Variants in BDKRB2 observed in about 807,000 individuals in gnomAD.
BDKRB2 encodes B2 bradykinin receptor.
A neutral mutation model predicts 4.0 loss-of-function variants in BDKRB2; 6 were observed. The ratio of observed to expected loss-of-function variants is 1.49; its 90% CI spans 0.81 to 2.93. The LOEUF is 2.93. Ranked by LOEUF, BDKRB2 falls within the 30% of genes most tolerant of loss-of-function variation. BDKRB2 has a pLI of 0.00. For synonymous variants in BDKRB2, 225 were observed against 215.3 expected, an observed-to-expected ratio of 1.05 and a Z score of -0.40; for missense variants, 478 against 520.1, an observed-to-expected ratio of 0.92 and a Z score of 0.79.
intron 1 of BDKRB2, among the ~76,000 whole-genome samples, chr14:96,226,882 G>A (rs1890709588): frequency 6.6e-6 from 1 of 152,232 alleles, no homozygotes; most frequent in Non-Finnish European, 1.5e-5. Flanking sequence ...GCGGAAGAAA[G>A]ATGGAGGGAG....
intron 2 of BDKRB2, chr14:96,240,202 G>C: frequency 7.7e-6 from 10 of 1,295,826 alleles, no homozygotes; most frequent in Non-Finnish European, 9.8e-6. Context: ...CCCCCGTTTA[G>C]ATCCAAGGAT....
intron 1 of BDKRB2, among the ~76,000 whole-genome samples, chr14:96,229,819 T>A (rs77183145): frequency 0.022 from 3,420 of 152,158 alleles, 124 homozygotes; most frequent in African/African-American, 0.077. Context: ...TAAATTAAAT[T>A]AAATTAAATT....
chr14:96,237,218 G>A (rs777597388), intron 2 of BDKRB2, 37 bp downstream of exon 2: 3 of 1,562,668 alleles, frequency 1.9e-6, no homozygotes, highest in African/African-American at 1.4e-5. Flanking sequence ...CTAGTTAGGG[G>A]AGGTGGGCAG....
chr14:96,212,971 T>C (rs1425917889), intron 1 of BDKRB2, among the ~76,000 whole-genome samples: 2 of 152,178 alleles, frequency 1.3e-5, no homozygotes, highest in African/African-American at 4.8e-5. Context: ...GGCTCACAGA[T>C]GTGCTAGCTA....
rs1444534694 is a variant in BDKRB2, at chr14:96,241,485, G to A, written c.1157G>A (p.Trp386Ter). The change falls in exon 3 of 3, where the codon TGG (tryptophan) becomes TAG (stop). Residue 386 changes from tryptophan (W) to a stop codon, truncating the protein, a stop_gained. Transcript: ENST00000554311. LOFTEE classifies it high-confidence loss of function. ...CGCCAGATTCACAAACTGCAGGACT[G>A]GGCAGGGAGCAGACAGTGAGCAAAC... ...VERQIHKLQDWAGSRQ is the reference protein window; with the variant it reads ...VERQIHKLQD The A allele has an allele frequency of 1.9e-6, 3 of 1,548,484 alleles. No homozygotes were observed. The highest frequency in any genetic ancestry group is 2.7e-5 in the African/African-American group (2 of 73,392).
Position 96,243,755 on chromosome 14 carries a change from C to T in BDKRB2, c.*2251C>T, listed in dbSNP as rs1450721781. 1 of 156,636 alleles carries T rather than the reference C, an allele frequency of 6.4e-6. No homozygotes were observed. Among genetic ancestry groups the T allele is most frequent in the Admixed American group, 6.5e-5 (1 of 15,388 alleles). 9.7% of individuals were successfully genotyped at this position (156,636 alleles called of 1,614,324 possible). ...CACTCTCCTCTGCCTCAGTAAGTAT[C>T]TGGAGGAAGAAAACAGGTGAAAGAA... is the stretch of plus-strand genomic sequence containing the variant. On this transcript the variant is annotated 3_prime_UTR_variant, in exon 3 of 3. Transcript: ENST00000554311.
At chr14:96,239,426 A>G (rs1885208131) in intron 2 of BDKRB2, 15 of 985,334 alleles carry the variant, frequency 1.5e-5, no homozygotes, top group Non-Finnish European at 1.8e-5. Flanking sequence ...TGCTGAAGGT[A>G]GAGATGAATT....
intron 2 of BDKRB2, chr14:96,238,494 C>A: frequency 1.0e-6 from 1 of 985,588 alleles, no homozygotes; most frequent in Non-Finnish European, 1.2e-6. Context: ...CTTTTTAGAG[C>A]ATACTTCTTA....
At chr14:96,225,812 C>A in intron 1 of BDKRB2, among the ~76,000 whole-genome samples, 1 of 152,130 alleles carries the variant, frequency 6.6e-6, no homozygotes, top group East Asian at 1.9e-4. Flanking sequence ...TTTTGTATAC[C>A]CAGCTGGGTG....
intron 1 of BDKRB2, among the ~76,000 whole-genome samples, chr14:96,210,083 G>A (rs1417954918): frequency 6.6e-6 from 1 of 152,124 alleles, no homozygotes; most frequent in Admixed American, 6.5e-5. Flanking sequence ...GGTGAGCAGA[G>A]GGATGACTTT....
intron 1 of BDKRB2, among the ~76,000 whole-genome samples, chr14:96,219,289 G>A (rs1489227073): frequency 6.6e-6 from 1 of 152,120 alleles, no homozygotes; most frequent in Non-Finnish European, 1.5e-5. Context: ...GTGACAGAGC[G>A]AGACTCTGCC....
intron 2 of BDKRB2, chr14:96,238,235 C>T: frequency 1.9e-6 from 1 of 513,098 alleles, no homozygotes; most frequent in Non-Finnish European, 2.5e-6. Context: ...CAAGTTGGTT[C>T]CCCCCATGTG....
At position 96,241,083 on chromosome 14, in the gene BDKRB2, G is replaced by C; in HGVS notation, c.755G>C (p.Arg252Pro). 6.2e-7 allele frequency: 1 copy of C among 1,613,976 alleles called. No homozygotes were observed. The highest frequency in any genetic ancestry group is 8.5e-7 in the Non-Finnish European group (1 of 1,179,958). Residue 252 changes from arginine to proline, a missense_variant, in exon 3 of 3, where the codon CGG (arginine) becomes CCG (proline). Transcript: ENST00000554311. ...FCTMQIMQVL[R>P]NNEMQKFKEI... ...ACGATGCAGATCATGCAGGTGCTGC[G>C]GAACAACGAGATGCAGAAGTTCAAG... is the stretch of plus-strand genomic sequence containing the variant.
At chr14:96,220,384 G>A (rs1333721104) in intron 1 of BDKRB2, among the ~76,000 whole-genome samples, 2 of 152,064 alleles carry the variant, frequency 1.3e-5, no homozygotes, top group Admixed American at 6.5e-5. Flanking sequence ...TCCTAGGCAC[G>A]AGCTTATCCA....
chr14:96,236,472 T>G (rs1020968969), intron 1 of BDKRB2, among the ~76,000 whole-genome samples: 6 of 152,180 alleles, frequency 3.9e-5, no homozygotes, highest in Admixed American at 3.9e-4. Context: ...CCATGACACC[T>G]GCCTCGCCCC....
chr14:96,222,954 A>T (rs1026201641), intron 1 of BDKRB2, among the ~76,000 whole-genome samples: 2 of 152,108 alleles, frequency 1.3e-5, no homozygotes, highest in Non-Finnish European at 1.5e-5. Context: ...GTTCTATTGG[A>T]CATCACCGAC....
intron 1 of BDKRB2, chr14:96,211,161 C>T (rs1890293179): frequency 6.6e-6 from 1 of 152,300 alleles, no homozygotes; most frequent in African/African-American, 2.4e-5. Flanking sequence ...CCATCCCTAC[C>T]AAACAGGAAT....
In BDKRB2 at chr14:96,241,465, G is replaced by C; in HGVS notation, c.1137G>C (p.Gln379His). Residue 379 changes from glutamine (Q) to histidine (H), a missense_variant, in exon 3 of 3, where the codon CAG (glutamine) becomes CAC (histidine). By Grantham distance (24) the Gln-to-His change is conservative. Coordinates refer to ENST00000554311, the MANE Select transcript of BDKRB2 (RefSeq NM_001379692.1). ...TLRTSISVER[Q>H]IHKLQDWAGS... ...GGACCTCCATCTCCGTGGAACGCCAGATTCACAAACTGCAGGACTGGGCAG... is the reference window on the plus strand; with the variant it reads ...GGACCTCCATCTCCGTGGAACGCCACATTCACAAACTGCAGGACTGGGCAG... The C allele has an allele frequency of 6.4e-7, 1 of 1,573,802 alleles. No homozygotes were observed. The highest frequency in any genetic ancestry group is 8.6e-7 in the Non-Finnish European group (1 of 1,166,834).
rs116182892 is a variant in BDKRB2 at position 96,216,538 on chromosome 14, G to A, written c.-40+11579G>A. On this transcript the variant is annotated intron_variant, in intron 1 of 2. Transcript: ENST00000554311. ...CTTGGAAGGATGAGGTGGGAGGATC[G>A]CTTGAACCCGGTGGGTAGAGGCTAT... Among the ~76,000 whole-genome samples the A allele has an allele frequency of 1.3e-3, 203 of 151,960 alleles. 1 individual carries two copies. Among genetic ancestry groups the A allele is most frequent in the African/African-American group, 4.6e-3 (190 of 41,442 alleles).
Sources: gnomAD v4.1 joint callset for allele counts (sites outside exome capture counted in the v4.1 genomes callset) on GRCh38, gnomAD v4.1.1 for gene constraint, MANE v1.5 for transcripts, NCBI Gene and HGNC (gene_info 2026-07-23, HGNC 2026-07-21) for gene names.